The following LY96 variants were observed in gnomAD, a reference collection of about 807,000 sequenced individuals.
LY96 encodes the protein lymphocyte antigen 96, also known as myeloid differentiation protein-2.
LY96 carries 18 observed loss-of-function variants against 18.9 expected under a neutral mutation model. That is an observed-to-expected ratio of 0.95 (90% confidence interval 0.66 to 1.41). The LOEUF is 1.41. LY96 is among the 40% of genes most tolerant of loss of function. LY96 has a pLI of 0.00. For synonymous variants in LY96, 66 were observed against 62.6 expected, an observed-to-expected ratio of 1.06 and a Z score of -0.26; for missense variants, 175 against 182.4, an observed-to-expected ratio of 0.96 and a Z score of 0.23.
chr8:73,999,986 A>G (rs917616240), intron 1 of LY96, among the ~76,000 whole-genome samples: 3 of 152,148 alleles, frequency 2.0e-5, no homozygotes, highest in African/African-American at 7.2e-5. Context: ...AGTGGTGAGA[A>G]TGGACATCAC....
At chr8:74,073,640 A>AATTTATTTATTTATTTATTT in the LY96 span, among the ~76,000 whole-genome samples, 3 of 145,250 alleles carry the variant, frequency 2.1e-5, no homozygotes, top group African/African-American at 7.6e-5. Context: ...GAGATTGATG[A>AATTTATTTATTTATTTATTT]ATTTATTTAT....
chr8:74,003,336 G>C (rs1219800442), intron 1 of LY96, among the ~76,000 whole-genome samples: 2 of 152,226 alleles, frequency 1.3e-5, no homozygotes, highest in African/African-American at 4.8e-5. Context: ...TTCTAAAAGG[G>C]GGTGGGCTAG....
At chr8:73,998,933 T>C (rs990762640) in intron 1 of LY96, among the ~76,000 whole-genome samples, 1 of 152,072 alleles carries the variant, frequency 6.6e-6, no homozygotes, top group Non-Finnish European at 1.5e-5. Context: ...CTATTGTAAA[T>C]TTGATTGTTT....
chr8:74,073,814 C>T, the LY96 span, among the ~76,000 whole-genome samples: 23,623 of 151,256 alleles, frequency 0.16, 2,045 homozygotes, highest in Middle Eastern at 0.24. Flanking sequence ...GATGCCACCA[C>T]GCCTGGCTAA....
the LY96 span, among the ~76,000 whole-genome samples, chr8:74,062,910 A>C: frequency 1.3e-5 from 2 of 152,212 alleles, no homozygotes; most frequent in Non-Finnish European, 1.5e-5. Context: ...AACTTCCTGC[A>C]TTAGTTATCT....
intron 4 of LY96, among the ~76,000 whole-genome samples, chr8:74,028,689 T>G (rs919303127): frequency 2.0e-5 from 3 of 152,240 alleles, no homozygotes; most frequent in African/African-American, 7.2e-5. Flanking sequence ...TAATGCATAT[T>G]CTTTCATTAT....
chr8:74,080,260 T>C, the LY96 span, among the ~76,000 whole-genome samples: 1 of 152,208 alleles, frequency 6.6e-6, no homozygotes, highest in East Asian at 1.9e-4. Flanking sequence ...CCTAGCATAA[T>C]GGCCTTTGGG....
At chr8:74,041,122 G>T in the LY96 span, among the ~76,000 whole-genome samples, 1 of 152,118 alleles carries the variant, frequency 6.6e-6, no homozygotes. Context: ...ACATATATCA[G>T]TTCCCAAATA....
At chr8:73,992,225 G>A (rs1224801569) in intron 1 of LY96, among the ~76,000 whole-genome samples, 1 of 152,116 alleles carries the variant, frequency 6.6e-6, no homozygotes. Context: ...TGCCCCAGCT[G>A]CTCATTAGCA....
At chr8:74,090,458 A>AT in the LY96 span, among the ~76,000 whole-genome samples, 1 of 152,236 alleles carries the variant, frequency 6.6e-6, no homozygotes, top group African/African-American at 2.4e-5. Context: ...AAGAAATAAC[A>AT]TTAAAAGAAT....
At chr8:74,077,417 A>G in the LY96 span, among the ~76,000 whole-genome samples, 1 of 152,262 alleles carries the variant, frequency 6.6e-6, no homozygotes, top group South Asian at 2.1e-4. Flanking sequence ...TACAGGTGTG[A>G]TGATGGAATC....
the LY96 span, among the ~76,000 whole-genome samples, chr8:74,065,376 A>T: frequency 2.6e-5 from 4 of 152,322 alleles, no homozygotes; most frequent in Admixed American, 6.5e-5. Flanking sequence ...GGTTCTTTTC[A>T]TCAACAGGCT....
the LY96 span, among the ~76,000 whole-genome samples, chr8:74,094,255 A>ATGTGTGTG: frequency 4.0e-5 from 6 of 149,644 alleles, no homozygotes; most frequent in Non-Finnish European, 7.4e-5. Context: ...GGGTGTGTGT[A>ATGTGTGTG]TGTGTGTGTG....
chr8:74,017,494 G>C (rs992739003), intron 3 of LY96, among the ~76,000 whole-genome samples: 20 of 152,268 alleles, frequency 1.3e-4, no homozygotes, highest in African/African-American at 4.6e-4. Flanking sequence ...TATTATCCAG[G>C]AGAACTTCCC....
the LY96 span, among the ~76,000 whole-genome samples, chr8:74,070,571 T>A: frequency 6.6e-6 from 1 of 152,172 alleles, no homozygotes; most frequent in Admixed American, 6.5e-5. Flanking sequence ...GTTACCACAA[T>A]TATGTCAGTA....
At chr8:74,006,597 G>T (rs903317474) in intron 2 of LY96, among the ~76,000 whole-genome samples, 4 of 152,238 alleles carry the variant, frequency 2.6e-5, no homozygotes, top group African/African-American at 7.2e-5. Flanking sequence ...ACAGGGCTTA[G>T]TGACAGCACA....
intron 3 of LY96, among the ~76,000 whole-genome samples, chr8:74,024,399 G>T (rs1243950927): frequency 6.6e-6 from 1 of 151,050 alleles, no homozygotes; most frequent in African/African-American, 2.4e-5. Context: ...TATTCACAAG[G>T]TATGAATATG....
chr8:74,081,020 TTC>T, the LY96 span, among the ~76,000 whole-genome samples: 123 of 133,494 alleles, frequency 9.2e-4, no homozygotes, highest in East Asian at 3.3e-3. Flanking sequence ...CTTTCTTTCT[TTC>T]TTTCTTTCTT....
the LY96 span, among the ~76,000 whole-genome samples, chr8:74,081,905 C>T: frequency 6.6e-6 from 1 of 151,870 alleles, no homozygotes; most frequent in African/African-American, 2.4e-5. Context: ...TAAAGTGCTG[C>T]GATTACAGGC....
Sources: gnomAD v4.1 joint callset for allele counts (sites outside exome capture counted in the v4.1 genomes callset) on GRCh38, gnomAD v4.1.1 for gene constraint, MANE v1.5 for transcripts, NCBI Gene and HGNC (gene_info 2026-07-23, HGNC 2026-07-21) for gene names.